The following SLC24A2 variants were observed in gnomAD, a reference collection of about 807,000 sequenced individuals.
SLC24A2 encodes the protein sodium/potassium/calcium exchanger 2.
In SLC24A2, 36 loss-of-function variants were observed where a neutral mutation model predicts 62.0. That is an observed-to-expected ratio of 0.58 (90% confidence interval 0.44 to 0.77). The LOEUF is 0.77. Among genes scored for constraint, SLC24A2 ranks in the 30% least tolerant of loss-of-function variants. The pLI, the probability that SLC24A2 is intolerant of heterozygous loss-of-function variation, is 0.00. For synonymous variants in SLC24A2, 358 were observed against 294.0 expected, an observed-to-expected ratio of 1.22 and a Z score of -2.23; for missense variants, 846 against 817.9, an observed-to-expected ratio of 1.03 and a Z score of -0.42.
At chr9:20,150,030 A>G in the SLC24A2 span, among the ~76,000 whole-genome samples, 1 of 152,072 alleles carries the variant, frequency 6.6e-6, no homozygotes, top group Admixed American at 6.6e-5. Context: ...AGATGTGAAT[A>G]GAAACGACAT....
At chr9:19,655,566 C>T (rs1818920985) in intron 2 of SLC24A2, among the ~76,000 whole-genome samples, 1 of 152,130 alleles carries the variant, frequency 6.6e-6, no homozygotes, top group Non-Finnish European at 1.5e-5. Flanking sequence ...GAACAGGTTT[C>T]AGTTATCTGT....
the SLC24A2 span, among the ~76,000 whole-genome samples, chr9:19,897,614 A>G: frequency 2.0e-5 from 3 of 152,164 alleles, no homozygotes; most frequent in African/African-American, 7.2e-5. Flanking sequence ...ATTATATTTG[A>G]TTTTTTAAAG....
chr9:20,085,456 T>C, the SLC24A2 span, among the ~76,000 whole-genome samples: 1 of 152,250 alleles, frequency 6.6e-6, no homozygotes, highest in African/African-American at 2.4e-5. Context: ...AAGAGAATGA[T>C]GCTTCCAAAT....
chr9:19,884,980 A>C, the SLC24A2 span, among the ~76,000 whole-genome samples: 15 of 152,300 alleles, frequency 9.8e-5, no homozygotes, highest in African/African-American at 3.6e-4. Context: ...GTATTCTTAC[A>C]GAGTGGACAA....
At chr9:19,895,813 C>A in the SLC24A2 span, 1 of 1,599,482 alleles carries the variant, frequency 6.3e-7, no homozygotes, top group South Asian at 1.1e-5. Context: ...GCTTGGGTTG[C>A]AGCTGGTGTG....
At chr9:19,864,708 A>G in the SLC24A2 span, among the ~76,000 whole-genome samples, 1 of 152,124 alleles carries the variant, frequency 6.6e-6, no homozygotes, top group East Asian at 1.9e-4. Flanking sequence ...AAAGCTACAT[A>G]TGACAGATGA....
At chr9:20,222,076 A>C in the SLC24A2 span, among the ~76,000 whole-genome samples, 1 of 152,102 alleles carries the variant, frequency 6.6e-6, no homozygotes, top group Admixed American at 6.6e-5. Flanking sequence ...TGGTAGTAAA[A>C]GTAGGCTAAG....
chr9:19,890,398 G>T, the SLC24A2 span, among the ~76,000 whole-genome samples: 1 of 152,170 alleles, frequency 6.6e-6, no homozygotes, highest in African/African-American at 2.4e-5. Flanking sequence ...TATCCAAGTT[G>T]CCAGTGATCC....
At chr9:20,058,106 T>C in the SLC24A2 span, among the ~76,000 whole-genome samples, 1 of 152,202 alleles carries the variant, frequency 6.6e-6, no homozygotes, top group Non-Finnish European at 1.5e-5. Context: ...ACTAGAGATT[T>C]CTAAATGATG....
chr9:19,845,020 T>G, the SLC24A2 span, among the ~76,000 whole-genome samples: 1 of 151,592 alleles, frequency 6.6e-6, no homozygotes, highest in East Asian at 1.9e-4. Context: ...TCCATATAAA[T>G]TTTAGAATAG....
At chr9:20,278,234 T>TA in the SLC24A2 span, among the ~76,000 whole-genome samples, 5 of 152,202 alleles carry the variant, frequency 3.3e-5, 1 homozygote, top group South Asian at 6.2e-4. Context: ...TAAAGTATAA[T>TA]AAAAAAATTA....
At chr9:19,745,375 T>C (rs754196486) in intron 2 of SLC24A2, among the ~76,000 whole-genome samples, 1 of 152,162 alleles carries the variant, frequency 6.6e-6, no homozygotes, top group Non-Finnish European at 1.5e-5. Flanking sequence ...CTGGAATACT[T>C]GTGTGTATGT....
chr9:19,980,676 G>C, the SLC24A2 span, among the ~76,000 whole-genome samples: 1 of 152,076 alleles, frequency 6.6e-6, no homozygotes, highest in Non-Finnish European at 1.5e-5. Context: ...AAATTAAGTA[G>C]ATAAAAAGAC....
chr9:19,541,400 C>G (rs1834247319), intron 8 of SLC24A2, among the ~76,000 whole-genome samples: 1 of 151,420 alleles, frequency 6.6e-6, no homozygotes. Flanking sequence ...GATGTCCTTT[C>G]TGGTCGTTAG....
chr9:19,873,277 T>C, the SLC24A2 span, among the ~76,000 whole-genome samples: 7 of 151,694 alleles, frequency 4.6e-5, no homozygotes, highest in African/African-American at 1.7e-4. Context: ...CTTTTCTCTC[T>C]TTCTTTCTTT....
the SLC24A2 span, among the ~76,000 whole-genome samples, chr9:20,249,397 T>C: frequency 6.6e-6 from 1 of 152,076 alleles, no homozygotes; most frequent in Non-Finnish European, 1.5e-5. Flanking sequence ...GGGTTTGTCA[T>C]AAGGATTAAA....
the SLC24A2 span, among the ~76,000 whole-genome samples, chr9:20,131,658 G>T: frequency 3.5e-4 from 54 of 152,286 alleles, no homozygotes; most frequent in African/African-American, 1.2e-3. Context: ...AATTGGAAAA[G>T]AAGAAAAGCT....
rs1030879847 is a variant in SLC24A2 at position 19,554,494 on chromosome 9, C to T, written c.1348-4226G>A. On this transcript the variant is annotated intron_variant, in intron 7 of 10. Transcript: ENST00000341998. ...TTGGTAACCTTGGGGATCTTGGAAC[C>T]AGTCCCCCACGGATAGCAAGGGATG... 5.3e-5 allele frequency among the ~76,000 whole-genome samples: 8 copies of T among 152,162 alleles called. No individual in the cohort carries two copies. The East Asian group carries it at 1.5e-3, about 29-fold the overall frequency.
At chr9:20,062,141 A>T in the SLC24A2 span, among the ~76,000 whole-genome samples, 3 of 152,172 alleles carry the variant, frequency 2.0e-5, no homozygotes, top group African/African-American at 4.8e-5. Flanking sequence ...AAGTGGGAGG[A>T]TCACTTGAGC....
Sources: gnomAD v4.1 joint callset for allele counts (sites outside exome capture counted in the v4.1 genomes callset) on GRCh38, gnomAD v4.1.1 for gene constraint, MANE v1.5 for transcripts, NCBI Gene and HGNC (gene_info 2026-07-23, HGNC 2026-07-21) for gene names.